PLCE1: variants seen among roughly 807,000 people sequenced by gnomAD.
PLCE1 encodes 1-phosphatidylinositol 4,5-bisphosphate phosphodiesterase epsilon-1.
A neutral mutation model predicts 242.8 loss-of-function variants in PLCE1; 119 were observed. The observed-to-expected ratio is 0.49, with a 90% confidence interval of 0.42 to 0.57. The LOEUF (loss-of-function observed/expected upper bound fraction) is 0.57. Among genes scored for constraint, PLCE1 ranks in the 20% least tolerant of loss-of-function variants. The pLI is 0.00. For missense variants in PLCE1, 2,441 were observed against 2,788.8 expected (o/e 0.88, Z 2.81); for synonymous variants, 945 against 1,017.4 (o/e 0.93, Z 1.35).
Position 94,298,854 on chromosome 10 carries a change from G to A in PLCE1, c.5458+185G>A, listed in dbSNP as rs2052934393. Among the ~76,000 whole-genome samples, 1 of 152,208 alleles carries A rather than the reference G, an allele frequency of 6.6e-6. No individual in the cohort carries two copies. The highest frequency in any genetic ancestry group is 2.4e-5 in the African/African-American group (1 of 41,464). ...TTGTGCCTCCGATGTTTCAGATTAA[G>A]GTGATAGAAAAGAATCTTGAAGGGG... On this transcript the variant is annotated intron_variant, in intron 24 of 32. Coordinates refer to ENST00000371380, the MANE Select transcript of PLCE1 (RefSeq NM_016341.4). This position sits in a 1 kb window ranked among gnomAD's most constrained non-coding sequence, Gnocchi z 5.2.
At chr10:94,087,864 T>C (rs1010700036) in intron 2 of PLCE1, among the ~76,000 whole-genome samples, 2 of 152,220 alleles carry the variant, frequency 1.3e-5, no homozygotes, top group Admixed American at 1.3e-4. Flanking sequence ...TACCCCTACA[T>C]TTGGAGGTGC....
intron 2 of PLCE1, among the ~76,000 whole-genome samples, chr10:94,109,852 G>GT (rs558058616): frequency 0.011 from 1,503 of 137,404 alleles, 15 homozygotes; most frequent in African/African-American, 0.032. Context: ...GCTCTGGGAT[G>GT]TTTTTTTTTT....
chr10:94,064,503 C>T (rs1431299195), intron 2 of PLCE1, among the ~76,000 whole-genome samples: 1 of 152,132 alleles, frequency 6.6e-6, no homozygotes, highest in East Asian at 1.9e-4. Context: ...GATTGTACCA[C>T]TGCACTTCAG....
At chr10:94,122,321 C>T (rs78742147) in intron 2 of PLCE1, among the ~76,000 whole-genome samples, 3,107 of 152,232 alleles carry the variant, frequency 0.02, 91 homozygotes, top group African/African-American at 0.063. Flanking sequence ...TAATTCATGG[C>T]CTGACATCAC....
Position 94,298,760 on chromosome 10 carries a change from A to G in PLCE1, c.5458+91A>G. On this transcript the variant is annotated intron_variant, in intron 24 of 32. Transcript: ENST00000371380. This position sits in a 1 kb window ranked among gnomAD's most constrained non-coding sequence, Gnocchi z 5.2. ...CATTTTTTCAAAGGGGCAAGATTCC[A>G]GACTGGGGCACACCATATGTGAGAG... is the stretch of plus-strand genomic sequence containing the variant. The G allele has an allele frequency of 1.6e-6, 2 of 1,281,236 alleles. No individual in the cohort carries two copies. Among genetic ancestry groups the G allele is most frequent in the Non-Finnish European group, 2.3e-6 (2 of 881,232 alleles). 79.4% of individuals were successfully genotyped at this position (1,281,236 alleles called of 1,614,324 possible). A position where few individuals can be genotyped will look rare whatever the true frequency, so the allele number is the denominator to read the frequency against.
At chr10:94,173,407 T>A (rs1316630801) in intron 4 of PLCE1, among the ~76,000 whole-genome samples, 1 of 152,166 alleles carries the variant, frequency 6.6e-6, no homozygotes, top group East Asian at 1.9e-4. Context: ...TCCTTACTGA[T>A]AAAAATGGGA....
At chr10:94,227,754 C>G (rs1419865247) in intron 5 of PLCE1, among the ~76,000 whole-genome samples, 1 of 152,134 alleles carries the variant, frequency 6.6e-6, no homozygotes, top group Non-Finnish European at 1.5e-5. Context: ...CTGACTATTC[C>G]CCTTCCTGTC....
intron 7 of PLCE1, among the ~76,000 whole-genome samples, chr10:94,238,383 C>T (rs374969885): frequency 6.6e-6 from 1 of 152,190 alleles, no homozygotes; most frequent in African/African-American, 2.4e-5. Context: ...TTGTGCCTAG[C>T]GAGCTGAAGT....
At chr10:94,314,696 T>C (rs1400414173) in intron 28 of PLCE1, among the ~76,000 whole-genome samples, 4 of 152,196 alleles carry the variant, frequency 2.6e-5, no homozygotes, top group East Asian at 1.9e-4. Context: ...GGGTGTATGA[T>C]GAAATGTAGC....
chr10:94,040,168 C>T (rs1390765924), intron 2 of PLCE1, among the ~76,000 whole-genome samples: 1 of 152,132 alleles, frequency 6.6e-6, no homozygotes, highest in African/African-American at 2.4e-5. Context: ...GTTGCCCAGG[C>T]TAGTCTCCAA....
chr10:94,065,160 C>T (rs1233240654), intron 2 of PLCE1, among the ~76,000 whole-genome samples: 3 of 152,160 alleles, frequency 2.0e-5, no homozygotes, highest in Non-Finnish European at 4.4e-5. Context: ...GCTTCTCACC[C>T]AACTCCTGCC....
chr10:94,011,160 T>C (rs1042229105), intron 1 of PLCE1, among the ~76,000 whole-genome samples: 4 of 152,136 alleles, frequency 2.6e-5, no homozygotes, highest in African/African-American at 9.7e-5. Context: ...TGGCATCTGC[T>C]TGGCTTTTAG....
At chr10:94,268,301 T>C (rs559462098) in intron 16 of PLCE1, among the ~76,000 whole-genome samples, 2 of 152,332 alleles carry the variant, frequency 1.3e-5, no homozygotes, top group South Asian at 2.1e-4. Flanking sequence ...ATGTCTGCTG[T>C]GGGTATGGGA....
rs112702724 is a variant in PLCE1, at chr10:94,193,863, G to C, written c.1809+22367G>C. Among the ~76,000 whole-genome samples the C allele has an allele frequency of 6.3e-3, 966 of 152,344 alleles. 5 individuals are homozygous for C. Among genetic ancestry groups the C allele is most frequent in the Non-Finnish European group, 0.011 (738 of 68,032 alleles). ...CTACTGTCATATAAACACCAGGCGG[G>C]CTTCCCTGCTGGGTGCTCAATAGCT... On this transcript the variant is annotated intron_variant, in intron 4 of 32. Coordinates refer to ENST00000371380, the MANE Select transcript of PLCE1 (RefSeq NM_016341.4).
chr10:94,294,084 G>A (rs2052727971), intron 23 of PLCE1, among the ~76,000 whole-genome samples: 1 of 152,088 alleles, frequency 6.6e-6, no homozygotes. Context: ...CCCAGCCTGG[G>A]TGACAGAGCA....
At chr10:94,226,829 G>GTCTC (rs201332035) in intron 4 of PLCE1, among the ~76,000 whole-genome samples, 27 of 87,714 alleles carry the variant, frequency 3.1e-4, no homozygotes, top group African/African-American at 1.1e-3. Context: ...GGACCTATAG[G>GTCTC]TCTTTTTTTT....
At chr10:94,070,474 C>CT (rs1459151506) in intron 2 of PLCE1, among the ~76,000 whole-genome samples, 2 of 152,208 alleles carry the variant, frequency 1.3e-5, no homozygotes, top group Admixed American at 6.5e-5. Flanking sequence ...GCTTCCCTCT[C>CT]TTTCCCAGGA....
In PLCE1 at chr10:94,033,902, T is replaced by TTCA. The variant is rs531576312; in HGVS notation, c.1206+1673_1206+1675dup. Among the ~76,000 whole-genome samples, 253 of 152,002 alleles carry TTCA rather than the reference T, an allele frequency of 1.7e-3. 1 individual carries two copies. Among genetic ancestry groups the TTCA allele is most frequent in the East Asian group, 4.4e-3 (23 of 5,176 alleles). ...GAAATATAAGTGCTATATTTTTACT[T>TTCA]TCATCATCATCATCATCATCATCAT... On this transcript the variant is annotated intron_variant, in intron 2 of 32. Transcript: ENST00000371380.
chr10:94,123,485 G>A (rs2046355250), intron 2 of PLCE1, among the ~76,000 whole-genome samples: 1 of 152,226 alleles, frequency 6.6e-6, no homozygotes, highest in African/African-American at 2.4e-5. Context: ...GGAATTCTCT[G>A]CACAGGCATT....
Sources: allele counts gnomAD v4.1 joint callset (sites outside exome capture counted in the v4.1 genomes callset), GRCh38; gene constraint gnomAD v4.1.1; non-coding constraint Gnocchi (gnomAD v3.1); transcripts MANE v1.5; gene names NCBI Gene and HGNC (gene_info 2026-07-23, HGNC 2026-07-21).